Variants in STEAP1B observed in about 807,000 individuals in gnomAD.
The protein encoded by STEAP1B is STEAP family member 1B.
STEAP1B carries 13 observed loss-of-function variants against 27.9 expected under a neutral mutation model. The ratio of observed to expected loss-of-function variants is 0.47; its 90% CI spans 0.30 to 0.74. The LOEUF is 0.74. Ranked by LOEUF, STEAP1B falls within the 30% of genes least tolerant of loss-of-function variation. The probability of loss-of-function intolerance (pLI) is 0.06; values close to 1 mark genes in which losing one functional copy is unlikely to be tolerated. For synonymous variants in STEAP1B, 86 were observed against 107.1 expected (o/e 0.80, Z 1.22); for missense variants, 250 against 298.7 (o/e 0.84, Z 1.20).
chr7:22,441,374 C>T lies in STEAP1B; in HGVS notation c.763-21538G>A, dbSNP rs529577723. Among the ~76,000 whole-genome samples the T allele has an allele frequency of 1.7e-4, 26 of 152,262 alleles. 1 individual carries two copies. The South Asian group carries it at 4.8e-3, about 28-fold the overall frequency. On this transcript the variant is annotated intron_variant, in intron 4 of 4. Coordinates refer to ENST00000678116, the MANE Select transcript of STEAP1B (RefSeq NM_001382447.1). ...TATCCCTTCAGTTGCCCTTACCATGCGCCAGGCACTGTTGAACTATTTTAA... is the reference window on the plus strand; with the variant it reads ...TATCCCTTCAGTTGCCCTTACCATGTGCCAGGCACTGTTGAACTATTTTAA...
At chr7:22,441,514 G>GT (rs1175056703) in intron 4 of STEAP1B, among the ~76,000 whole-genome samples, 1 of 152,204 alleles carries the variant, frequency 6.6e-6, no homozygotes, top group Non-Finnish European at 1.5e-5. Flanking sequence ...AGTCGCAAAT[G>GT]TAAGAAGCGA....
intron 4 of STEAP1B, among the ~76,000 whole-genome samples, chr7:22,464,778 T>C (rs1785743967): frequency 6.6e-6 from 1 of 151,154 alleles, no homozygotes; most frequent in Non-Finnish European, 1.5e-5. Flanking sequence ...CACCTTGGTC[T>C]TGAAACTCCA....
rs184955254 is a variant in STEAP1B, at chr7:22,500,162, G to A, written c.-80C>T. The A allele has an allele frequency of 0.011, 1,749 of 152,916 alleles. 13 individuals are homozygous for A. Among genetic ancestry groups the A allele is most frequent in the South Asian group, 0.028 (135 of 4,868 alleles). 9.5% of individuals were successfully genotyped at this position (152,916 alleles called of 1,614,324 possible). A position where few individuals can be genotyped will look rare whatever the true frequency, so the allele number is the denominator to read the frequency against. Reference sequence around the variant, plus strand: ...GTGAGTCTCAGCTGCCGCTGCTGCCGGGAGGTGCCGGCCCCACGCGGCGCC... The same window carrying A: ...GTGAGTCTCAGCTGCCGCTGCTGCCAGGAGGTGCCGGCCCCACGCGGCGCC... On this transcript the variant is annotated 5_prime_UTR_variant, in exon 1 of 5. Coordinates refer to ENST00000678116, the MANE Select transcript of STEAP1B (RefSeq NM_001382447.1).
chr7:22,453,294 G>C (rs544488835), intron 4 of STEAP1B, among the ~76,000 whole-genome samples: 1 of 152,316 alleles, frequency 6.6e-6, no homozygotes, highest in East Asian at 1.9e-4. Context: ...CACTGGCTTA[G>C]GGTAGAAGGC....
intron 4 of STEAP1B, among the ~76,000 whole-genome samples, chr7:22,484,304 G>T (rs1386182533): frequency 6.6e-6 from 1 of 152,216 alleles, no homozygotes; most frequent in East Asian, 1.9e-4. Flanking sequence ...GCTGGTGACT[G>T]TAAGTGGAAG....
intron 4 of STEAP1B, among the ~76,000 whole-genome samples, chr7:22,470,609 T>C (rs1327865519): frequency 6.6e-6 from 1 of 152,058 alleles, no homozygotes; most frequent in Non-Finnish European, 1.5e-5. Flanking sequence ...CTACTAAAAA[T>C]ACAAAAACTA....
chr7:22,478,961 G>A (rs903958389), intron 4 of STEAP1B, among the ~76,000 whole-genome samples: 1 of 152,094 alleles, frequency 6.6e-6, no homozygotes, highest in African/African-American at 2.4e-5. Flanking sequence ...CCTGCAGCCC[G>A]GGGTCCTTGC....
intron 4 of STEAP1B, among the ~76,000 whole-genome samples, chr7:22,428,224 G>C (rs1236288160): frequency 6.6e-6 from 1 of 152,200 alleles, no homozygotes; most frequent in Non-Finnish European, 1.5e-5. Context: ...TGTCCTGGGG[G>C]TGCTGAGAGA....
intron 4 of STEAP1B, 71 bp downstream of exon 4, chr7:22,492,494 A>G: frequency 6.8e-7 from 1 of 1,473,492 alleles, no homozygotes; most frequent in Middle Eastern, 1.8e-4. Flanking sequence ...TATGGGGTAA[A>G]GCCAACATAT....
intron 4 of STEAP1B, among the ~76,000 whole-genome samples, chr7:22,427,093 G>A (rs1278007191): frequency 6.6e-6 from 1 of 152,172 alleles, no homozygotes; most frequent in Non-Finnish European, 1.5e-5. Context: ...GGAGAAGAGA[G>A]GGTCACAGAG....
chr7:22,455,114 C>T (rs1162064784), intron 4 of STEAP1B, among the ~76,000 whole-genome samples: 1 of 152,000 alleles, frequency 6.6e-6, no homozygotes, highest in Admixed American at 6.5e-5. Flanking sequence ...CCACCTGCCT[C>T]GGCCTCCCAA....
At chr7:22,499,209 G>C (rs1335810827) in intron 1 of STEAP1B, among the ~76,000 whole-genome samples, 1 of 152,176 alleles carries the variant, frequency 6.6e-6, no homozygotes, top group Non-Finnish European at 1.5e-5. Context: ...TGGCTGCCCT[G>C]GTGTTCCTAA....
chr7:22,438,466 A>T (rs1416509132), intron 4 of STEAP1B: 2 of 1,541,452 alleles, frequency 1.3e-6, no homozygotes, highest in Non-Finnish European at 1.7e-6. Flanking sequence ...AGCAGGGAAC[A>T]AGGTTCTCAC....
chr7:22,459,857 G>T (rs940805463), intron 4 of STEAP1B, among the ~76,000 whole-genome samples: 2 of 152,182 alleles, frequency 1.3e-5, no homozygotes, highest in Non-Finnish European at 2.9e-5. Flanking sequence ...ATTCAGCATT[G>T]CAGGCAATTC....
chr7:22,470,902 A>T (rs909487586), intron 4 of STEAP1B, among the ~76,000 whole-genome samples: 1 of 152,066 alleles, frequency 6.6e-6, no homozygotes, highest in Non-Finnish European at 1.5e-5. Context: ...TAAAACCCTC[A>T]TTTCACCCTC....
At chr7:22,486,950 A>G (rs927487240) in intron 4 of STEAP1B, among the ~76,000 whole-genome samples, 12 of 151,910 alleles carry the variant, frequency 7.9e-5, no homozygotes, top group Non-Finnish European at 1.5e-4. Context: ...TGTACTCCCC[A>G]CCCTAAAGGC....
At chr7:22,458,965 G>T (rs190523027) in intron 4 of STEAP1B, among the ~76,000 whole-genome samples, 1 of 151,872 alleles carries the variant, frequency 6.6e-6, no homozygotes, top group Non-Finnish European at 1.5e-5. Flanking sequence ...ACTAAATTGA[G>T]ATTAAAGAGA....
At position 22,461,326 on chromosome 7, in the gene STEAP1B, G is replaced by C. The variant is rs1380217127; in HGVS notation, c.762+31239C>G. Among the ~76,000 whole-genome samples the C allele has an allele frequency of 7.9e-5, 12 of 152,142 alleles. No homozygotes were observed. The East Asian group carries it at 2.3e-3, about 29-fold the overall frequency. On this transcript the variant is annotated intron_variant, in intron 4 of 4. Transcript: ENST00000678116. ...TGCCCAGGCTAGAGTGCAATGGCATGATCTCGGCTCACTGCAACCTCTGCC... is the reference window on the plus strand; with the variant it reads ...TGCCCAGGCTAGAGTGCAATGGCATCATCTCGGCTCACTGCAACCTCTGCC...
At chr7:22,443,754 C>G (rs1441202606) in intron 4 of STEAP1B, among the ~76,000 whole-genome samples, 3 of 152,208 alleles carry the variant, frequency 2.0e-5, no homozygotes, top group Admixed American at 6.5e-5. Context: ...CACATGCCAG[C>G]TCCTTTTTCT....
Sources: allele counts gnomAD v4.1 joint callset (sites outside exome capture counted in the v4.1 genomes callset), GRCh38; gene constraint gnomAD v4.1.1; transcripts MANE v1.5; gene names NCBI Gene and HGNC (gene_info 2026-07-23, HGNC 2026-07-21).